The following CBLL1 variants were observed in gnomAD, a reference collection of about 807,000 sequenced individuals.
CBLL1 encodes the protein Cbl proto-oncogene like 1.
In CBLL1, 4 loss-of-function variants were observed where a neutral mutation model predicts 44.9. The ratio of observed to expected loss-of-function variants is 0.09; its 90% CI spans 0.04 to 0.20. The LOEUF (loss-of-function observed/expected upper bound fraction) is 0.20. CBLL1 is among the 10% of genes least tolerant of loss of function. The pLI, the probability that CBLL1 is intolerant of heterozygous loss-of-function variation, is 1.00. For missense variants in CBLL1, 569 were observed against 636.7 expected, an observed-to-expected ratio of 0.89 and a Z score of 1.14; for synonymous variants, 235 against 202.2, an observed-to-expected ratio of 1.16 and a Z score of -1.38.
At chr7:107,744,870 T>G (rs1303015791) in intron 1 of CBLL1, 1 of 152,260 alleles carries the variant, frequency 6.6e-6, no homozygotes, top group African/African-American at 2.4e-5. Flanking sequence ...TTATGTATTT[T>G]CTGGCTTTTG....
At chr7:107,749,961 T>A (rs528061297) in intron 2 of CBLL1, among the ~76,000 whole-genome samples, 30 of 147,746 alleles carry the variant, frequency 2.0e-4, no homozygotes, top group African/African-American at 7.4e-4. Context: ...TGTTTGTTTG[T>A]TTTTGTTTTT....
intron 2 of CBLL1, among the ~76,000 whole-genome samples, chr7:107,750,555 C>T (rs1003188698): frequency 2.2e-4 from 34 of 151,520 alleles, no homozygotes; most frequent in African/African-American, 7.8e-4. Context: ...CCGCCCGCAT[C>T]GGCCTCCCAA....
intron 2 of CBLL1, chr7:107,752,470 G>T (rs1793349206): frequency 5.0e-6 from 3 of 598,744 alleles, no homozygotes; most frequent in Non-Finnish European, 5.5e-6. Context: ...GTGTGTCTGT[G>T]TCTGTGTATA....
rs1228469602 is a variant in CBLL1 at position 107,761,271 on chromosome 7, A to G, written c.*2093A>G. On this transcript the variant is annotated 3_prime_UTR_variant, in exon 6 of 6. Transcript: ENST00000440859. ...AGAAACCACTTAGCCTATGTATTGG[A>G]CGAGAAAATCAGTATCATGATAAAA... The G allele has an allele frequency of 6.6e-6, 1 of 152,194 alleles. No individual in the cohort carries two copies. Among genetic ancestry groups the G allele is most frequent in the East Asian group, 1.9e-4 (1 of 5,340 alleles). The allele number at this position is 152,194 out of a possible 1,614,324, so 9.4% of individuals were successfully genotyped here. A position where few individuals can be genotyped will look rare whatever the true frequency, so the allele number is the denominator to read the frequency against.
At chr7:107,754,494 G>A (rs1214691522) in intron 4 of CBLL1, among the ~76,000 whole-genome samples, 1 of 151,678 alleles carries the variant, frequency 6.6e-6, no homozygotes, top group African/African-American at 2.4e-5. Context: ...CTCCAAAAAA[G>A]ATAGTTTTGC....
chr7:107,744,910 G>A (rs908254140), intron 1 of CBLL1: 1 of 152,156 alleles, frequency 6.6e-6, no homozygotes, highest in African/African-American at 2.4e-5. Flanking sequence ...TATTGAATGA[G>A]TGCTCTTGGA....
intron 2 of CBLL1, among the ~76,000 whole-genome samples, chr7:107,752,877 G>A (rs1224167035): frequency 6.6e-6 from 1 of 152,178 alleles, no homozygotes; most frequent in Non-Finnish European, 1.5e-5. Flanking sequence ...ATATGTTAAA[G>A]TGTCTAAATC....
At chr7:107,755,568 G>A (rs536892757) in intron 5 of CBLL1, 77 bp downstream of exon 5, 21 of 765,286 alleles carry the variant, frequency 2.7e-5, no homozygotes, top group African/African-American at 2.2e-4. Context: ...TTAAAGGTTA[G>A]GGAGTGATGT....
In CBLL1 at chr7:107,750,486, A is replaced by C. The variant is rs557092600; in HGVS notation, c.181+1439A>C. Among the ~76,000 whole-genome samples, 20 of 151,876 alleles carry C rather than the reference A, an allele frequency of 1.3e-4. No individual in the cohort carries two copies. The South Asian group carries it at 4.0e-3, about 30-fold the overall frequency. ...ACGCCCAGCTAATTTTTGTATTTTT[A>C]GTGGAGACGGGGTTTCACTGTGTTA... On this transcript the variant is annotated intron_variant, in intron 2 of 5. Coordinates refer to ENST00000440859, the MANE Select transcript of CBLL1 (RefSeq NM_024814.4).
Position 107,744,173 on chromosome 7 carries a change from A to G in CBLL1, c.10A>G (p.Thr4Ala), listed in dbSNP as rs1390790431. The change falls in exon 1 of 6, where the codon ACT becomes GCT. Residue 4 changes from threonine (T) to alanine (A), a missense_variant. Transcript: ENST00000440859. ...CTCTGCGAGCCGAATCATGGATCAC[A>G]CTGGTAAGGAGGCGGAGGCAGTGGG... MDH[T>A]DNELQGTNSS... 12 of 1,553,338 alleles carry G rather than the reference A, an allele frequency of 7.7e-6. No homozygotes were observed. The highest frequency in any genetic ancestry group is 7.2e-5 in the East Asian group (3 of 41,424).
chr7:107,744,283 G>A (rs917320041), intron 1 of CBLL1, 107 bp downstream of exon 1: 2 of 1,286,822 alleles, frequency 1.6e-6, no homozygotes, highest in Non-Finnish European at 2.1e-6. Context: ...CAACACTAGG[G>A]TGTGGCAGTG....
intron 1 of CBLL1, 125 bp downstream of exon 1, chr7:107,744,301 A>ATTTCT: frequency 5.1e-6 from 6 of 1,170,678 alleles, no homozygotes; most frequent in Non-Finnish European, 6.9e-6. Context: ...GTGAGAAGAA[A>ATTTCT]TCTCACAGAT....
At chr7:107,748,805 G>A (rs971373734) in intron 1 of CBLL1, 75 bp from the exon 2 acceptor site, 1 of 1,308,880 alleles carries the variant, frequency 7.6e-7, no homozygotes, top group Non-Finnish European at 1.1e-6. Context: ...TAGGTATGGT[G>A]TTTTAATACC....
intron 1 of CBLL1, among the ~76,000 whole-genome samples, chr7:107,746,009 A>G (rs1270094124): frequency 6.6e-6 from 1 of 152,218 alleles, no homozygotes; most frequent in Non-Finnish European, 1.5e-5. Context: ...ATTTTAAAGC[A>G]TGAGGACAGA....
rs1323354620 is a variant in CBLL1, at chr7:107,760,657, A to G, written c.*1479A>G. 6.6e-6 allele frequency: 1 copy of G among 152,268 alleles called. No homozygotes were observed. Among genetic ancestry groups the G allele is most frequent in the Admixed American group, 6.5e-5 (1 of 15,286 alleles). 9.4% of individuals were successfully genotyped at this position (152,268 alleles called of 1,614,324 possible). A position where few individuals can be genotyped will look rare whatever the true frequency, so the allele number is the denominator to read the frequency against. The stretch of plus-strand genomic sequence containing the variant: ...TCCCCACTAAAATGGTGCATAATAA[A>G]ACATGAAATATGTAGTATGCAGATA... On this transcript the variant is annotated 3_prime_UTR_variant, in exon 6 of 6. Transcript: ENST00000440859.
intron 4 of CBLL1, among the ~76,000 whole-genome samples, chr7:107,754,568 T>G (rs1373867070): frequency 2.0e-5 from 3 of 152,194 alleles, no homozygotes; most frequent in Non-Finnish European, 4.4e-5. Context: ...TGGCATGGAT[T>G]ATGCAGTGTT....
At chr7:107,756,343 G>A (rs535221106) in intron 5 of CBLL1, among the ~76,000 whole-genome samples, 13 of 152,240 alleles carry the variant, frequency 8.5e-5, no homozygotes, top group South Asian at 4.1e-4. Flanking sequence ...AAAATTTGAC[G>A]TCACCAGGAG....
chr7:107,758,952 C>T lies in CBLL1; in HGVS notation c.1250C>T (p.Thr417Ile). ...PPPQHGGPPV[T>I]APPPHHYNPN... is the part of the protein sequence containing the mutation. Reference sequence around the variant, plus strand: ...CCTCAACATGGTGGTCCACCTGTAACTGCACCCCCTCCTCACCATTATAAT... The same window carrying T: ...CCTCAACATGGTGGTCCACCTGTAATTGCACCCCCTCCTCACCATTATAAT... Residue 417 changes from threonine to isoleucine, a missense_variant, in exon 6 of 6, where the codon ACT becomes ATT. Physicochemically the swap from Thr to Ile is moderately conservative, Grantham distance 89. This residue lies in a region of CBLL1 where 228 missense variants were observed against 253.2 expected (regional missense o/e 0.90). Transcript: ENST00000440859. This position sits in a 1 kb window ranked among gnomAD's most constrained non-coding sequence, Gnocchi z 4.2. 2 of 1,613,590 alleles carry T rather than the reference C, an allele frequency of 1.2e-6. No homozygotes were observed. The highest frequency in any genetic ancestry group is 1.7e-6 in the Non-Finnish European group (2 of 1,179,706).
intron 5 of CBLL1, among the ~76,000 whole-genome samples, chr7:107,757,799 G>A (rs1236818756): frequency 2.6e-5 from 4 of 152,094 alleles, no homozygotes; most frequent in East Asian, 1.9e-4. Context: ...TAATCTACCC[G>A]TTGGTTTTTT....
Sources: allele counts gnomAD v4.1 joint callset (sites outside exome capture counted in the v4.1 genomes callset), GRCh38; gene constraint gnomAD v4.1.1; regional missense constraint gnomAD v4.1.1; non-coding constraint Gnocchi (gnomAD v3.1); transcripts MANE v1.5; gene names NCBI Gene and HGNC (gene_info 2026-07-23, HGNC 2026-07-21).